ATG10: variants seen among roughly 807,000 people sequenced by gnomAD.
ATG10 encodes autophagy related 10.
A neutral mutation model predicts 32.1 loss-of-function variants in ATG10; 30 were observed. The observed-to-expected ratio is 0.94, with a 90% CI of 0.70 to 1.27. ATG10 has a LOEUF of 1.27. ATG10 is among the 50% of genes most tolerant of loss of function. ATG10 has a pLI of 0.00. For synonymous variants in ATG10, 87 were observed against 91.5 expected, an observed-to-expected ratio of 0.95 and a Z score of 0.28; for missense variants, 233 against 262.3, an observed-to-expected ratio of 0.89 and a Z score of 0.77.
chr5:82,234,041 A>C (rs180697080), intron 5 of ATG10, among the ~76,000 whole-genome samples: 23 of 152,252 alleles, frequency 1.5e-4, no homozygotes, highest in Non-Finnish European at 2.6e-4. Flanking sequence ...AGATTATAAG[A>C]ATGTAAATAT....
At chr5:82,218,763 C>G (rs1377957914) in intron 5 of ATG10, among the ~76,000 whole-genome samples, 1 of 152,178 alleles carries the variant, frequency 6.6e-6, no homozygotes, top group African/African-American at 2.4e-5. Flanking sequence ...GAAAAAGATT[C>G]TAAAATCTCT....
At chr5:82,155,003 A>G (rs897133118) in intron 3 of ATG10, among the ~76,000 whole-genome samples, 1 of 152,152 alleles carries the variant, frequency 6.6e-6, no homozygotes, top group African/African-American at 2.4e-5. Context: ...CATTCCTACA[A>G]TGCTTGCCTC....
At chr5:82,016,388 C>G (rs1054715566) in intron 2 of ATG10, among the ~76,000 whole-genome samples, 6 of 152,072 alleles carry the variant, frequency 3.9e-5, no homozygotes, top group Non-Finnish European at 8.8e-5. Context: ...TCAGTTGACT[C>G]TAAGTATTTG....
chr5:82,153,559 G>T (rs984216597), intron 3 of ATG10, among the ~76,000 whole-genome samples: 1 of 152,146 alleles, frequency 6.6e-6, no homozygotes, highest in Non-Finnish European at 1.5e-5. Context: ...AATCTATCTG[G>T]GTGGGTGTTG....
intron 2 of ATG10, chr5:82,009,765 G>C: frequency 6.2e-7 from 1 of 1,606,754 alleles, no homozygotes; most frequent in Admixed American, 1.7e-5. Context: ...GAAAAACTGG[G>C]AGCCATTTGT....
chr5:82,182,374 C>T (rs1217073541), intron 5 of ATG10, among the ~76,000 whole-genome samples: 1 of 151,908 alleles, frequency 6.6e-6, no homozygotes, highest in African/African-American at 2.4e-5. Context: ...TTATTTCATC[C>T]CTACATATTT....
At chr5:82,191,378 G>T (rs1314731352) in intron 5 of ATG10, among the ~76,000 whole-genome samples, 1 of 152,162 alleles carries the variant, frequency 6.6e-6, no homozygotes, top group East Asian at 1.9e-4. Flanking sequence ...GCAGGGCTGG[G>T]CTTTTCTTTG....
At chr5:82,082,609 C>T (rs903414259) in intron 3 of ATG10, among the ~76,000 whole-genome samples, 33 of 151,684 alleles carry the variant, frequency 2.2e-4, no homozygotes, top group African/African-American at 7.8e-4. Flanking sequence ...AAGTATACTA[C>T]AAATACATTG....
intron 2 of ATG10, among the ~76,000 whole-genome samples, chr5:82,031,715 A>G (rs1016471350): frequency 2.0e-5 from 3 of 152,254 alleles, no homozygotes; most frequent in Admixed American, 6.5e-5. Flanking sequence ...ACAAAGAAAG[A>G]GGTGGTAAAA....
chr5:82,186,872 G>A (rs955267033), intron 5 of ATG10, among the ~76,000 whole-genome samples: 5 of 152,058 alleles, frequency 3.3e-5, no homozygotes, highest in Non-Finnish European at 5.9e-5. Flanking sequence ...GTGAGCCACC[G>A]CGCCCAGCCA....
rs533766349 is a variant in ATG10 at position 82,000,315 on chromosome 5, C to T, written c.108+12637C>T. On this transcript the variant is annotated intron_variant, in intron 2 of 7. Coordinates refer to ENST00000282185, the MANE Select transcript of ATG10 (RefSeq NM_031482.5). Reference sequence around the variant, plus strand: ...ACAAACTAGGCACTGAAGGAACATACTTCAAAATAATGAGAGCCATCTACG... The same window carrying T: ...ACAAACTAGGCACTGAAGGAACATATTTCAAAATAATGAGAGCCATCTACG... Among the ~76,000 whole-genome samples, 10 of 152,270 alleles carry T rather than the reference C, an allele frequency of 6.6e-5. No individual in the cohort carries two copies. In the East Asian group the frequency reaches 1.5e-3, roughly 24 times the overall value.
intron 3 of ATG10, among the ~76,000 whole-genome samples, chr5:82,081,244 T>G (rs1426196135): frequency 6.6e-6 from 1 of 152,226 alleles, no homozygotes; most frequent in African/African-American, 2.4e-5. Flanking sequence ...CTTATCAGCT[T>G]AAGGAGATTT....
chr5:82,245,967 C>T (rs1747012532), intron 5 of ATG10, among the ~76,000 whole-genome samples: 1 of 152,024 alleles, frequency 6.6e-6, no homozygotes, highest in Non-Finnish European at 1.5e-5. Context: ...TAACAACATA[C>T]TTAAAGGATT....
intron 4 of ATG10, among the ~76,000 whole-genome samples, chr5:82,170,320 A>C (rs977574011): frequency 6.6e-6 from 1 of 152,216 alleles, no homozygotes; most frequent in African/African-American, 2.4e-5. Flanking sequence ...CACAACACAA[A>C]TCTCATTAGC....
chr5:82,175,346 T>C (rs1743971663), intron 4 of ATG10, among the ~76,000 whole-genome samples: 2 of 152,108 alleles, frequency 1.3e-5, no homozygotes, highest in Admixed American at 1.3e-4. Context: ...GAGTCTCACT[T>C]TGTTGCCCAG....
chr5:82,200,436 G>A (rs1745020753), intron 5 of ATG10, among the ~76,000 whole-genome samples: 1 of 116,254 alleles, frequency 8.6e-6, no homozygotes, highest in Admixed American at 8.4e-5. Context: ...CTTTGATGAA[G>A]TATCTTTTCA....
At chr5:82,049,404 TG>T (rs1413861170) in intron 2 of ATG10, among the ~76,000 whole-genome samples, 2 of 30,730 alleles carry the variant, frequency 6.5e-5, no homozygotes, top group Non-Finnish European at 1.2e-4. Flanking sequence ...GTTGTGGGGG[TG>T]GGGGGAGGGG....
chr5:82,016,926 G>A (rs956918451), intron 2 of ATG10, among the ~76,000 whole-genome samples: 1 of 152,002 alleles, frequency 6.6e-6, no homozygotes, highest in Admixed American at 6.6e-5. Flanking sequence ...TCCTGACCTC[G>A]TGATCCGCGC....
intron 3 of ATG10, among the ~76,000 whole-genome samples, chr5:82,092,329 A>G (rs1764915737): frequency 6.6e-6 from 1 of 152,248 alleles, no homozygotes; most frequent in Non-Finnish European, 1.5e-5. Flanking sequence ...AGAGGAAAAT[A>G]TAGGTTTACA....
Sources: gnomAD v4.1 joint callset for allele counts (sites outside exome capture counted in the v4.1 genomes callset) on GRCh38, gnomAD v4.1.1 for gene constraint, MANE v1.5 for transcripts, NCBI Gene and HGNC (gene_info 2026-07-23, HGNC 2026-07-21) for gene names.